The following FBN2 variants were observed in gnomAD, a reference collection of about 807,000 sequenced individuals.
The protein encoded by FBN2 is fibrillin 2.
In FBN2, 105 loss-of-function variants were observed where a neutral mutation model predicts 355.6. The ratio of observed to expected loss-of-function variants is 0.30; its 90% CI spans 0.25 to 0.35. FBN2 has a LOEUF of 0.35. Ranked by LOEUF, FBN2 falls within the 10% of genes least tolerant of loss-of-function variation. FBN2 has a pLI of 1.00. For missense variants in FBN2, 3,280 were observed against 3,758.7 expected, an observed-to-expected ratio of 0.87 and a Z score of 3.33; for synonymous variants, 1,350 against 1,301.2, an observed-to-expected ratio of 1.04 and a Z score of -0.81.
rs1291846352 is a variant in FBN2 at position 128,289,188 on chromosome 5, T to C, written c.6576A>G (p.Gly2192=). The change falls in exon 52 of 65, where the codon GGA becomes GGG. Residue 2192 remains glycine (G), a synonymous_variant. Transcript: ENST00000262464. Reference sequence around the variant, plus strand: ...CCATTGGACATTCACAGCGAAAAGATCCGTCGGTGTTGATACATTGACCAT... The same window carrying C: ...CCATTGGACATTCACAGCGAAAAGACCCGTCGGTGTTGATACATTGACCAT... The part of the protein sequence containing the change: ...CSNGQCINTD[G]SFRCECPMGY... 1 of 1,613,844 alleles carries C rather than the reference T, an allele frequency of 6.2e-7. No individual in the cohort carries two copies. Among genetic ancestry groups the C allele is most frequent in the Admixed American group, 1.7e-5 (1 of 60,018 alleles).
At chr5:128,271,342 A>C (rs936024069) in intron 62 of FBN2, among the ~76,000 whole-genome samples, 6 of 152,200 alleles carry the variant, frequency 3.9e-5, no homozygotes, top group Non-Finnish European at 5.9e-5. Context: ...CCAAGAAATT[A>C]GGCATATGCT....
At chr5:128,263,364 G>T in intron 63 of FBN2, 61 bp downstream of exon 63, 2 of 1,234,400 alleles carry the variant, frequency 1.6e-6, no homozygotes, top group Non-Finnish European at 2.4e-6. Context: ...AGTGGGGGGT[G>T]GCCTGAACTC....
chr5:128,376,264 T>C (rs528695629), intron 14 of FBN2, among the ~76,000 whole-genome samples: 1 of 152,332 alleles, frequency 6.6e-6, no homozygotes, highest in African/African-American at 2.4e-5. Context: ...ATGTCTTCAC[T>C]AAATCAATGT....
chr5:128,313,397 T>C (rs1380334077), intron 36 of FBN2, among the ~76,000 whole-genome samples: 1 of 152,220 alleles, frequency 6.6e-6, no homozygotes, highest in East Asian at 1.9e-4. Flanking sequence ...GCCTATTTCA[T>C]TTCTTCTCTT....
chr5:128,331,005 T>C (rs949312206), intron 32 of FBN2, among the ~76,000 whole-genome samples: 2 of 152,212 alleles, frequency 1.3e-5, no homozygotes, highest in African/African-American at 4.8e-5. Flanking sequence ...AGTGGTTTCC[T>C]TATCAGTAGA....
chr5:128,417,343 T>A (rs1209101051), intron 7 of FBN2, among the ~76,000 whole-genome samples: 5 of 152,216 alleles, frequency 3.3e-5, no homozygotes, highest in Non-Finnish European at 7.3e-5. Flanking sequence ...TGCCTTTTAT[T>A]TCTTTCTCTC....
chr5:128,509,387 T>C (rs1376394310), intron 5 of FBN2, among the ~76,000 whole-genome samples: 8 of 152,106 alleles, frequency 5.3e-5, no homozygotes, highest in Non-Finnish European at 8.8e-5. Context: ...TCCAGAAAAA[T>C]GTTCACCTCA....
At chr5:128,274,523 C>T (rs750128656) in intron 60 of FBN2, 44 bp downstream of exon 60, 7 of 1,003,590 alleles carry the variant, frequency 7.0e-6, no homozygotes, top group Non-Finnish European at 1.1e-5. Flanking sequence ...TTTTATGCAT[C>T]TACTAGAAGT....
intron 2 of FBN2, among the ~76,000 whole-genome samples, chr5:128,535,175 T>C (rs955920965): frequency 6.6e-6 from 1 of 152,254 alleles, no homozygotes; most frequent in African/African-American, 2.4e-5. Flanking sequence ...TCACTTTAAA[T>C]AACACAGTTG....
At chr5:128,267,393 C>A (rs867671633) in intron 62 of FBN2, among the ~76,000 whole-genome samples, 3 of 152,184 alleles carry the variant, frequency 2.0e-5, no homozygotes, top group African/African-American at 7.2e-5. Context: ...TGTGGAATCA[C>A]CACACTGTCT....
chr5:128,517,762 T>C lies in FBN2; in HGVS notation c.628+1511A>G, dbSNP rs146737463. ...TTAAAATATAAGGCTTTTTCACGAC[T>C]CAAAGCCTCTATATGTATATAAACC... On this transcript the variant is annotated intron_variant, in intron 5 of 64. Coordinates refer to ENST00000262464, the MANE Select transcript of FBN2 (RefSeq NM_001999.4). 8.5e-3 allele frequency among the ~76,000 whole-genome samples: 1,299 copies of C among 152,286 alleles called. 18 individuals carry two copies. Among genetic ancestry groups the C allele is most frequent in the African/African-American group, 0.029 (1,196 of 41,564 alleles).
intron 32 of FBN2, among the ~76,000 whole-genome samples, chr5:128,331,031 G>A (rs1038400654): frequency 6.6e-6 from 1 of 152,108 alleles, no homozygotes; most frequent in Non-Finnish European, 1.5e-5. Flanking sequence ...CAATTCTGAA[G>A]GTGATACTGA....
intron 34 of FBN2, 112 bp downstream of exon 34, chr5:128,328,584 C>A: frequency 9.3e-7 from 1 of 1,080,796 alleles, no homozygotes; most frequent in South Asian, 1.3e-5. Context: ...TTTTATAGTG[C>A]AGCATGTGCT....
intron 32 of FBN2, among the ~76,000 whole-genome samples, chr5:128,331,199 A>G (rs1750682973): frequency 6.6e-6 from 1 of 152,238 alleles, no homozygotes; most frequent in Non-Finnish European, 1.5e-5. Flanking sequence ...TGCCATGAAG[A>G]AAAGTTACAA....
chr5:128,415,524 A>G (rs1581274768), intron 7 of FBN2, among the ~76,000 whole-genome samples: 1 of 152,118 alleles, frequency 6.6e-6, no homozygotes, highest in Non-Finnish European at 1.5e-5. Context: ...CGTTGCTGCA[A>G]TTGACAGTAT....
chr5:128,469,800 C>T (rs1754808319), intron 5 of FBN2, among the ~76,000 whole-genome samples: 1 of 152,132 alleles, frequency 6.6e-6, no homozygotes, highest in Non-Finnish European at 1.5e-5. Context: ...TTTTAGTTCA[C>T]TTATGAGGAT....
chr5:128,459,481 C>A (rs1754498485), intron 6 of FBN2, among the ~76,000 whole-genome samples: 1 of 149,582 alleles, frequency 6.7e-6, no homozygotes, highest in African/African-American at 2.5e-5. Flanking sequence ...ATATCAAAAC[C>A]TGGCAGAGAC....
chr5:128,352,661 G>T (rs991830593), intron 20 of FBN2, among the ~76,000 whole-genome samples: 2 of 152,096 alleles, frequency 1.3e-5, no homozygotes, highest in African/African-American at 4.8e-5. Flanking sequence ...ATATTACCAA[G>T]ACACTTGTTA....
chr5:128,273,623 CAATTCGT>C (rs1354461982), intron 61 of FBN2, among the ~76,000 whole-genome samples: 2 of 152,168 alleles, frequency 1.3e-5, no homozygotes, highest in Non-Finnish European at 1.5e-5. Flanking sequence ...CTTTAAAAGT[CAATTCGT>C]AATCACAGAA....
Sources: gnomAD v4.1 joint callset for allele counts (sites outside exome capture counted in the v4.1 genomes callset) on GRCh38, gnomAD v4.1.1 for gene constraint, MANE v1.5 for transcripts, NCBI Gene and HGNC (gene_info 2026-07-23, HGNC 2026-07-21) for gene names.